WDFY4: variants seen among roughly 807,000 people sequenced by gnomAD.
WDFY4 encodes the protein WDFY family member 4, also known as WD repeat- and FYVE domain-containing protein 4.
In WDFY4, 169 loss-of-function variants were observed where a neutral mutation model predicts 351.9. The ratio of observed to expected loss-of-function variants is 0.48; its 90% CI spans 0.42 to 0.55. WDFY4 has a LOEUF of 0.55. Ranked by LOEUF, WDFY4 falls within the 20% of genes least tolerant of loss-of-function variation. The probability of loss-of-function intolerance (pLI) is 0.00; values close to 1 mark genes in which losing one functional copy is unlikely to be tolerated. For missense variants in WDFY4, 3,803 were observed against 3,935.6 expected (o/e 0.97, Z 0.90); for synonymous variants, 1,622 against 1,574.6 (o/e 1.03, Z -0.71).
Position 48,727,421 on chromosome 10 carries a change from G to A in WDFY4, c.782-49G>A, listed in dbSNP as rs2064305992. Reference sequence around the variant, plus strand: ...GAGGTAGGTGGACCATGGCAGGAAAGCTCTTGCTTCCAAGCTCAGCAGGTC... The same window carrying A: ...GAGGTAGGTGGACCATGGCAGGAAAACTCTTGCTTCCAAGCTCAGCAGGTC... On this transcript the variant is annotated intron_variant, in intron 6 of 61. Transcript: ENST00000325239. 4 of 1,527,496 alleles carry A rather than the reference G, an allele frequency of 2.6e-6. No homozygotes were observed. In the East Asian group the frequency reaches 9.9e-5, roughly 38 times the overall value. 94.6% of individuals were successfully genotyped at this position (1,527,496 alleles called of 1,614,324 possible).
intron 43 of WDFY4, among the ~76,000 whole-genome samples, chr10:48,886,412 G>T (rs1230714570): frequency 2.0e-5 from 3 of 152,206 alleles, no homozygotes; most frequent in Non-Finnish European, 4.4e-5. Flanking sequence ...AGTATTAAGA[G>T]ATGGGGTCTT....
chr10:48,971,421 G>A lies in WDFY4; in HGVS notation c.8928+1132G>A, dbSNP rs1002041782. 5.9e-5 allele frequency among the ~76,000 whole-genome samples: 9 copies of A among 151,956 alleles called. 1 individual carries two copies. In the South Asian group the frequency reaches 1.0e-3, roughly 18 times the overall value. On this transcript the variant is annotated intron_variant, in intron 57 of 61. Coordinates refer to ENST00000325239, the MANE Select transcript of WDFY4 (RefSeq NM_001394531.1). Reference sequence around the variant, plus strand: ...TGAGGCAGGAGAATGGCGTGAACCCGGGAGGCGGAGCTTGCAGTGAGCAGA... The same window carrying A: ...TGAGGCAGGAGAATGGCGTGAACCCAGGAGGCGGAGCTTGCAGTGAGCAGA...
At chr10:48,831,270 T>A (rs2068180321) in intron 38 of WDFY4, among the ~76,000 whole-genome samples, 1 of 152,230 alleles carries the variant, frequency 6.6e-6, no homozygotes, top group Non-Finnish European at 1.5e-5. Flanking sequence ...TCATGTCCTG[T>A]CACTTCATGA....
intron 39 of WDFY4, among the ~76,000 whole-genome samples, chr10:48,848,652 A>G (rs2068857859): frequency 6.6e-6 from 1 of 152,108 alleles, no homozygotes; most frequent in African/African-American, 2.4e-5. Context: ...TCAAAGTTTG[A>G]TCACTGCCTC....
intron 47 of WDFY4, among the ~76,000 whole-genome samples, chr10:48,906,871 T>C (rs1244714261): frequency 6.6e-6 from 1 of 152,062 alleles, no homozygotes; most frequent in African/African-American, 2.4e-5. Context: ...CTAAGAAAAC[T>C]AAAACAAACA....
At chr10:48,747,933 C>T (rs569071808) in intron 12 of WDFY4, among the ~76,000 whole-genome samples, 1 of 152,326 alleles carries the variant, frequency 6.6e-6, no homozygotes, top group East Asian at 1.9e-4. Flanking sequence ...CCATTCTGCC[C>T]TTCTGTAGGT....
rs369219029 is a variant in WDFY4, at chr10:48,766,186, C to T, written c.2553+5746C>T. 1.1e-4 allele frequency among the ~76,000 whole-genome samples: 17 copies of T among 152,318 alleles called. No homozygotes were observed. In the East Asian group the frequency reaches 2.1e-3, roughly 19 times the overall value. ...TCCCAAATACATTCAAAATCTGTTT[C>T]CTATGCTCTTTCCCACTGAGCCCCT... On this transcript the variant is annotated intron_variant, in intron 13 of 61. Coordinates refer to ENST00000325239, the MANE Select transcript of WDFY4 (RefSeq NM_001394531.1).
chr10:48,959,708 C>T lies in WDFY4; in HGVS notation c.8132-14C>T. The T allele has an allele frequency of 6.4e-7, 1 of 1,551,334 alleles. No homozygotes were observed. ...TGAGTTACCCAAATCTCTGCTGCTTCTCATCCCATGCAGGCTGCATGCAGG... is the reference window on the plus strand; with the variant it reads ...TGAGTTACCCAAATCTCTGCTGCTTTTCATCCCATGCAGGCTGCATGCAGG... On this transcript the variant is annotated splice_polypyrimidine_tract_variant and intron_variant, in intron 52 of 61. Transcript: ENST00000325239.
rs143080459 is a variant in WDFY4 at position 48,973,408 on chromosome 10, A to T, written c.8929-1454A>T. Among the ~76,000 whole-genome samples, 8 of 152,292 alleles carry T rather than the reference A, an allele frequency of 5.3e-5. No individual in the cohort carries two copies. The East Asian group carries it at 9.6e-4, about 18-fold the overall frequency. ...ACCATCTGGTTGGCGTCATGTTAGG[A>T]TCCATTAAGGACAAACAGGAGCTTG... is the stretch of plus-strand genomic sequence containing the variant. On this transcript the variant is annotated intron_variant, in intron 57 of 61. Coordinates refer to ENST00000325239, the MANE Select transcript of WDFY4 (RefSeq NM_001394531.1).
At chr10:48,806,765 C>G (rs184121841) in intron 27 of WDFY4, among the ~76,000 whole-genome samples, 289 of 152,308 alleles carry the variant, frequency 1.9e-3, no homozygotes, top group Non-Finnish European at 3.0e-3. Context: ...TCTGCACTGT[C>G]CAAGACGAGA....
intron 13 of WDFY4, among the ~76,000 whole-genome samples, chr10:48,766,432 T>C (rs2065673149): frequency 6.6e-6 from 1 of 151,938 alleles, no homozygotes; most frequent in Non-Finnish European, 1.5e-5. Context: ...TACAAAAAAT[T>C]TTAAAAAATC....
In WDFY4 at chr10:48,963,829, G is replaced by A. The variant is rs1841965697; in HGVS notation, c.8224-13G>A. The A allele has an allele frequency of 9.0e-6, 14 of 1,551,348 alleles. No individual in the cohort carries two copies. The highest frequency in any genetic ancestry group is 1.1e-5 in the Non-Finnish European group (13 of 1,146,920). On this transcript the variant is annotated splice_polypyrimidine_tract_variant and intron_variant, in intron 53 of 61. Transcript: ENST00000325239. ...TGGCCTGGGTTTTAATGCTCTTTGG[G>A]TTTTTGTTCCAGGCCCTGGAAAGTG...
chr10:48,880,594 G>T lies in WDFY4; in HGVS notation c.7167+3395G>T, dbSNP rs548408412. Among the ~76,000 whole-genome samples, 144 of 152,340 alleles carry T rather than the reference G, an allele frequency of 9.5e-4. 6 individuals are homozygous for T. The South Asian group carries it at 0.028, about 30-fold the overall frequency. On this transcript the variant is annotated intron_variant, in intron 43 of 61. Transcript: ENST00000325239. ...CGGTGGGCGGTCGGGAGGGGAAAGA[G>T]CAGGAGCTGTCCTGCTTCCACTTGG... is the stretch of plus-strand genomic sequence containing the variant.
intron 2 of WDFY4, among the ~76,000 whole-genome samples, chr10:48,719,741 T>A (rs752269345): frequency 6.6e-5 from 10 of 152,184 alleles, no homozygotes; most frequent in Non-Finnish European, 1.5e-4. Context: ...TGCAGCAGGC[T>A]GTGGGGAAGG....
chr10:48,830,908 G>A (rs1449485709), intron 38 of WDFY4, 23 bp downstream of exon 38: 3 of 1,542,630 alleles, frequency 1.9e-6, no homozygotes, highest in Admixed American at 2.0e-5. Context: ...TCGGCTCCAG[G>A]GAATGGGAAC....
chr10:48,932,007 G>A (rs1676998538), intron 47 of WDFY4, among the ~76,000 whole-genome samples: 2 of 152,206 alleles, frequency 1.3e-5, no homozygotes, highest in Admixed American at 6.5e-5. Context: ...GCTGCAGGGA[G>A]CATGGGAGCT....
At chr10:48,971,644 C>G (rs761937150) in intron 57 of WDFY4, among the ~76,000 whole-genome samples, 1 of 152,184 alleles carries the variant, frequency 6.6e-6, no homozygotes, top group Non-Finnish European at 1.5e-5. Context: ...ACTTCTGTCA[C>G]CCTAGACCGT....
chr10:48,696,092 C>T (rs2063323580), intron 1 of WDFY4, among the ~76,000 whole-genome samples: 1 of 152,196 alleles, frequency 6.6e-6, no homozygotes, highest in Non-Finnish European at 1.5e-5. Context: ...CCTGCATTGC[C>T]TCAGTCTCCT....
chr10:48,923,862 T>C (rs142826086), intron 47 of WDFY4, among the ~76,000 whole-genome samples: 48 of 152,330 alleles, frequency 3.2e-4, no homozygotes, highest in African/African-American at 1.1e-3. Flanking sequence ...ACACTGAGCA[T>C]GGCTTAGAGA....
Sources: gnomAD v4.1 joint callset for allele counts (sites outside exome capture counted in the v4.1 genomes callset) on GRCh38, gnomAD v4.1.1 for gene constraint, MANE v1.5 for transcripts, NCBI Gene and HGNC (gene_info 2026-07-23, HGNC 2026-07-21) for gene names.